KCNQ1: variants seen among roughly 807,000 people sequenced by gnomAD.
KCNQ1 encodes the protein potassium voltage-gated channel subfamily KQT member 1.
A neutral mutation model predicts 72.4 loss-of-function variants in KCNQ1; 49 were observed. That is an observed-to-expected ratio of 0.68 (90% CI 0.54 to 0.86). The LOEUF (loss-of-function observed/expected upper bound fraction) is 0.86. Among genes scored for constraint, KCNQ1 ranks in the 40% least tolerant of loss-of-function variants. The probability of loss-of-function intolerance (pLI) is 0.00; values close to 1 mark genes in which losing one functional copy is unlikely to be tolerated. For synonymous variants in KCNQ1, 450 were observed against 412.6 expected, an observed-to-expected ratio of 1.09 and a Z score of -1.10; for missense variants, 790 against 945.1, an observed-to-expected ratio of 0.84 and a Z score of 2.15.
At chr11:2,578,732 C>G (rs776130842) in intron 6 of KCNQ1, among the ~76,000 whole-genome samples, 11 of 152,254 alleles carry the variant, frequency 7.2e-5, no homozygotes, top group Non-Finnish European at 1.5e-4. Flanking sequence ...TCTCCTGACT[C>G]CATCCTTAGG....
chr11:2,467,593 C>T (rs1446095596), intron 1 of KCNQ1, among the ~76,000 whole-genome samples: 2 of 152,176 alleles, frequency 1.3e-5, no homozygotes, highest in Admixed American at 1.3e-4. Context: ...CTGGGGAAGG[C>T]TGGGAGCTGG....
chr11:2,575,614 C>T (rs898534289), intron 6 of KCNQ1, among the ~76,000 whole-genome samples: 2 of 152,250 alleles, frequency 1.3e-5, no homozygotes, highest in African/African-American at 4.8e-5. Context: ...TCCTTCACCC[C>T]ACCGGGGAGT....
At chr11:2,684,347 A>C in intron 11 of KCNQ1, 1 of 398,646 alleles carries the variant, frequency 2.5e-6, no homozygotes, top group Non-Finnish European at 4.4e-6. Flanking sequence ...TATGTGTTTG[A>C]GGCCTGGGAC....
At chr11:2,740,782 G>A (rs1846038136) in intron 11 of KCNQ1, among the ~76,000 whole-genome samples, 1 of 152,190 alleles carries the variant, frequency 6.6e-6, no homozygotes. Flanking sequence ...TGCGGCTCAT[G>A]GCATCCTCAC....
chr11:2,588,889 C>A lies in KCNQ1; in HGVS notation c.1393+35C>A. 1 of 1,607,816 alleles carries A rather than the reference C, an allele frequency of 6.2e-7. No homozygotes were observed. The highest frequency in any genetic ancestry group is 8.5e-7 in the Non-Finnish European group (1 of 1,179,028). Reference sequence around the variant, plus strand: ...CCTCAGGCAGTTGGGGGCCGCGGGGCCGGGAAGGTCACTGCCTTTTTTGGG... The same window carrying A: ...CCTCAGGCAGTTGGGGGCCGCGGGGACGGGAAGGTCACTGCCTTTTTTGGG... On this transcript the variant is annotated intron_variant, in intron 10 of 15. Coordinates refer to ENST00000155840, the MANE Select transcript of KCNQ1 (RefSeq NM_000218.3). This position sits in a 1 kb window ranked among gnomAD's most constrained non-coding sequence, Gnocchi z 5.6.
chr11:2,460,626 C>T (rs1454596400), intron 1 of KCNQ1, among the ~76,000 whole-genome samples: 4 of 152,220 alleles, frequency 2.6e-5, no homozygotes, highest in Non-Finnish European at 5.9e-5. Context: ...GGACCTTGGA[C>T]CGCAAATTTG....
At chr11:2,822,191 G>C (rs1002759027) in intron 15 of KCNQ1, among the ~76,000 whole-genome samples, 1 of 152,202 alleles carries the variant, frequency 6.6e-6, no homozygotes, top group South Asian at 2.1e-4. Context: ...CAGCCCTAGA[G>C]CCTCCAGCAG....
rs547863332 is a variant in KCNQ1, at chr11:2,529,653, A to G, written c.477+1635A>G. Reference sequence around the variant, plus strand: ...TGCGAAAGCTGTTAATTTCTGCTACAGCCTGTGGTCCTGCTACTTCTCGTG... The same window carrying G: ...TGCGAAAGCTGTTAATTTCTGCTACGGCCTGTGGTCCTGCTACTTCTCGTG... On this transcript the variant is annotated intron_variant, in intron 2 of 15. Coordinates refer to ENST00000155840, the MANE Select transcript of KCNQ1 (RefSeq NM_000218.3). Among the ~76,000 whole-genome samples, 252 of 152,300 alleles carry G rather than the reference A, an allele frequency of 1.7e-3. 3 individuals carry two copies. The highest frequency in any genetic ancestry group is 5.9e-3 in the African/African-American group (244 of 41,566).
Position 2,457,933 on chromosome 11 carries a change from C to T in KCNQ1, c.386+12449C>T, listed in dbSNP as rs1846220333. On this transcript the variant is annotated intron_variant, in intron 1 of 15. Transcript: ENST00000155840. This position sits in a 1 kb window ranked among gnomAD's most constrained non-coding sequence, Gnocchi z 5.0. The stretch of plus-strand genomic sequence containing the variant: ...GACGTTTACTTAAATATCTCTGTTT[C>T]CTGGAAAGGCCCAGGACCAAGGACC... Among the ~76,000 whole-genome samples, 1 of 151,998 alleles carries T rather than the reference C, an allele frequency of 6.6e-6. No individual in the cohort carries two copies. Among genetic ancestry groups the T allele is most frequent in the African/African-American group, 2.4e-5 (1 of 41,370 alleles).
At chr11:2,622,778 T>C in intron 10 of KCNQ1, 3 of 398,600 alleles carry the variant, frequency 7.5e-6, no homozygotes, top group Non-Finnish European at 1.3e-5. Context: ...AGTACAGAGA[T>C]TTCCCGTATA....
At chr11:2,791,091 G>A (rs1453200119) in intron 15 of KCNQ1, among the ~76,000 whole-genome samples, 1 of 152,262 alleles carries the variant, frequency 6.6e-6, no homozygotes, top group African/African-American at 2.4e-5. Context: ...ATTGGCCAGA[G>A]AGGAAATTTA....
rs555689742 is a variant in KCNQ1, at chr11:2,677,657, T to C, written c.1514+15576T>C. 4.4e-4 allele frequency: 177 copies of C among 398,640 alleles called. No homozygotes were observed. The East Asian group carries it at 5.8e-3, about 13-fold the overall frequency. The allele number at this position is 398,640 out of a possible 1,614,324, so 24.7% of individuals were successfully genotyped here. On this transcript the variant is annotated intron_variant, in intron 11 of 15. Transcript: ENST00000155840. This position sits in a 1 kb window ranked among gnomAD's most constrained non-coding sequence, Gnocchi z 4.5. ...TGTAACTCTAACAACTGTTATTGCA[T>C]ATGAGATAAAATAATATTTTAACTA...
In KCNQ1 at chr11:2,516,582, G is replaced by A. The variant is rs1341493905; in HGVS notation, c.387-11346G>A. The stretch of plus-strand genomic sequence containing the variant: ...GCCACTGTTGGGTGCTCCTGATTGT[G>A]TAGCGGGTCCCCTGAAACCAACACA... On this transcript the variant is annotated intron_variant, in intron 1 of 15. Transcript: ENST00000155840. This position sits in a 1 kb window ranked among gnomAD's most constrained non-coding sequence, Gnocchi z 7.0. Among the ~76,000 whole-genome samples, 2 of 152,130 alleles carry A rather than the reference G, an allele frequency of 1.3e-5. No individual in the cohort carries two copies. Among genetic ancestry groups the A allele is most frequent in the Non-Finnish European group, 2.9e-5 (2 of 68,030 alleles).
At chr11:2,701,202 A>C (rs1021147940) in intron 11 of KCNQ1, among the ~76,000 whole-genome samples, 1 of 152,170 alleles carries the variant, frequency 6.6e-6, no homozygotes, top group East Asian at 1.9e-4. Context: ...TCTCTCTCCA[A>C]GGGTGACCGG....
In KCNQ1 at chr11:2,621,775, A is replaced by T; in HGVS notation, c.1393+32921A>T. The stretch of plus-strand genomic sequence containing the variant: ...ATTTTGTCCTCTTTCTTAGTCCAAG[A>T]GTTTGTTGATTTTATTTTTCAAAAA... On this transcript the variant is annotated intron_variant, in intron 10 of 15. Coordinates refer to ENST00000155840, the MANE Select transcript of KCNQ1 (RefSeq NM_000218.3). The surrounding 1 kb of genome is among the most constrained non-coding windows in gnomAD (Gnocchi z 5.7). 2.5e-6 allele frequency: 1 copy of T among 398,206 alleles called. No individual in the cohort carries two copies. 24.7% of individuals were successfully genotyped at this position (398,206 alleles called of 1,614,324 possible).
chr11:2,675,420 G>A (rs1342988723), intron 11 of KCNQ1: 2 of 398,410 alleles, frequency 5.0e-6, no homozygotes, highest in Admixed American at 8.8e-5. Flanking sequence ...AAAATATATT[G>A]TCATTTTGCG....
chr11:2,695,883 T>C lies in KCNQ1; in HGVS notation c.1514+33802T>C, dbSNP rs542976004. On this transcript the variant is annotated intron_variant, in intron 11 of 15. Transcript: ENST00000155840. This position sits in a 1 kb window ranked among gnomAD's most constrained non-coding sequence, Gnocchi z 5.2. ...TCTGTTTGTTAACCCTCCTGCAAAC[T>C]GGCAATCTTCCTACCTTTTTCTTAA... is the stretch of plus-strand genomic sequence containing the variant. The C allele has an allele frequency of 5.0e-6, 2 of 398,662 alleles. No individual in the cohort carries two copies. The highest frequency in any genetic ancestry group is 4.1e-5 in the African/African-American group (2 of 48,756). 24.7% of individuals were successfully genotyped at this position (398,662 alleles called of 1,614,324 possible). A position where few individuals can be genotyped will look rare whatever the true frequency, so the allele number is the denominator to read the frequency against.
In KCNQ1 at chr11:2,762,207, G is replaced by A. The variant is rs1397175416; in HGVS notation, c.1515-6637G>A. 2.6e-5 allele frequency among the ~76,000 whole-genome samples: 4 copies of A among 152,208 alleles called. No individual in the cohort carries two copies. The highest frequency in any genetic ancestry group is 4.4e-5 in the Non-Finnish European group (3 of 68,032). On this transcript the variant is annotated intron_variant, in intron 11 of 15. Coordinates refer to ENST00000155840, the MANE Select transcript of KCNQ1 (RefSeq NM_000218.3). The surrounding 1 kb of genome is among the most constrained non-coding windows in gnomAD (Gnocchi z 4.3). ...AGGGGGGCCTTCATGAGACCATCAC[G>A]GAGATCTTGGGGCCTCCAATTTGTC... is the stretch of plus-strand genomic sequence containing the variant.
chr11:2,460,869 G>A (rs1846267845), intron 1 of KCNQ1, among the ~76,000 whole-genome samples: 1 of 152,242 alleles, frequency 6.6e-6, no homozygotes, highest in Non-Finnish European at 1.5e-5. Context: ...GGGCGTGACT[G>A]CTTCTGGTTG....
Sources: gnomAD v4.1 joint callset for allele counts (sites outside exome capture counted in the v4.1 genomes callset) on GRCh38, gnomAD v4.1.1 for gene constraint, Gnocchi (gnomAD v3.1) non-coding constraint, MANE v1.5 for transcripts, NCBI Gene and HGNC (gene_info 2026-07-23, HGNC 2026-07-21) for gene names.